Variants in SYT9 observed in about 807,000 individuals in gnomAD.
The protein encoded by SYT9 is synaptotagmin 9.
Under a neutral mutation model 48.4 loss-of-function variants are expected in SYT9, and 22 were observed. The ratio of observed to expected loss-of-function variants is 0.45; its 90% CI spans 0.32 to 0.65. The LOEUF (loss-of-function observed/expected upper bound fraction) is 0.65. Ranked by LOEUF, SYT9 falls within the 30% of genes least tolerant of loss-of-function variation. The pLI is 0.03. For missense variants in SYT9, 577 were observed against 622.0 expected (o/e 0.93, Z 0.77); for synonymous variants, 265 against 245.0 (o/e 1.08, Z -0.76).
intron 3 of SYT9, among the ~76,000 whole-genome samples, chr11:7,411,223 A>G (rs145046304): frequency 1.3e-5 from 2 of 151,860 alleles, no homozygotes; most frequent in African/African-American, 4.8e-5. Context: ...ATCGTTTTGT[A>G]TGTTCTTTAT....
chr11:7,459,344 A>G (rs1848202749), intron 6 of SYT9, among the ~76,000 whole-genome samples: 1 of 152,244 alleles, frequency 6.6e-6, no homozygotes, highest in African/African-American at 2.4e-5. Context: ...AATGGTAAAG[A>G]GAAGAGGTCC....
At chr11:7,319,179 T>G (rs111407194) in intron 3 of SYT9, among the ~76,000 whole-genome samples, 1 of 119,170 alleles carries the variant, frequency 8.4e-6, no homozygotes, top group Admixed American at 1.1e-4. Context: ...TTTTTTTTTC[T>G]TTTCTTCTTT....
At chr11:7,279,682 C>G (rs760379285) in intron 1 of SYT9, among the ~76,000 whole-genome samples, 3 of 152,190 alleles carry the variant, frequency 2.0e-5, no homozygotes, top group Admixed American at 2.0e-4. Flanking sequence ...ACTTACCAAG[C>G]ACATATAAAT....
At chr11:7,442,292 C>T (rs1050898983) in intron 6 of SYT9, among the ~76,000 whole-genome samples, 1 of 152,170 alleles carries the variant, frequency 6.6e-6, no homozygotes, top group African/African-American at 2.4e-5. Context: ...GGCTGGAGAA[C>T]ACGTCTCCAC....
rs1242163535 is a variant in SYT9, at chr11:7,255,849, T to A, written c.145+3518T>A. Among the ~76,000 whole-genome samples, 12 of 152,330 alleles carry A rather than the reference T, an allele frequency of 7.9e-5. No individual in the cohort carries two copies. In the East Asian group the frequency reaches 2.3e-3, roughly 29 times the overall value. ...GCTGTTTTACAGTTGAACAGTGACCTGAGGTATGACTATCCTCTTTAATGT... is the reference window on the plus strand; with the variant it reads ...GCTGTTTTACAGTTGAACAGTGACCAGAGGTATGACTATCCTCTTTAATGT... On this transcript the variant is annotated intron_variant, in intron 1 of 6. Transcript: ENST00000318881.
chr11:7,373,173 T>C (rs1236790684), intron 3 of SYT9, among the ~76,000 whole-genome samples: 1 of 151,708 alleles, frequency 6.6e-6, no homozygotes, highest in Non-Finnish European at 1.5e-5. Flanking sequence ...CACATAAGAA[T>C]TGACCTATAG....
intron 1 of SYT9, chr11:7,239,034 G>A (rs185913417): frequency 3.3e-5 from 14 of 425,014 alleles, no homozygotes; most frequent in African/African-American, 2.6e-4. Context: ...GACAGAACAT[G>A]GATATTGTTT....
intron 6 of SYT9, among the ~76,000 whole-genome samples, chr11:7,448,454 C>T (rs1847979371): frequency 6.6e-6 from 1 of 152,250 alleles, no homozygotes; most frequent in Non-Finnish European, 1.5e-5. Context: ...CGGCTCGCCT[C>T]AAGGCGGAAC....
chr11:7,391,178 T>C (rs558455284), intron 3 of SYT9, among the ~76,000 whole-genome samples: 1 of 152,348 alleles, frequency 6.6e-6, no homozygotes, highest in Admixed American at 6.5e-5. Context: ...ATGATGTATA[T>C]GTACCATATT....
At chr11:7,405,773 T>G (rs1846996348) in intron 3 of SYT9, among the ~76,000 whole-genome samples, 1 of 152,240 alleles carries the variant, frequency 6.6e-6, no homozygotes, top group Non-Finnish European at 1.5e-5. Flanking sequence ...TATTTTACTA[T>G]TTTACTTGAA....
rs1848959607 is a variant in SYT9, at chr11:7,303,166, C to T, written c.273C>T (p.Ser91=). The change falls in exon 2 of 7, where the codon AGC becomes AGT. Residue 91 remains serine (S), a synonymous_variant. Transcript: ENST00000318881. The part of the protein sequence containing the change: ...PWRERGLPSG[S]KDNNQEPLNY... ...GAGAACGAGGCCTGCCCTCTGGTAG[C>T]AAAGACAACAACCAGGAGCCCCTTA... The T allele has an allele frequency of 6.2e-7, 1 of 1,614,082 alleles. No homozygotes were observed. Among genetic ancestry groups the T allele is most frequent in the African/African-American group, 1.3e-5 (1 of 74,912 alleles).
intron 3 of SYT9, among the ~76,000 whole-genome samples, chr11:7,398,793 C>T (rs901151380): frequency 6.6e-6 from 1 of 152,156 alleles, no homozygotes; most frequent in African/African-American, 2.4e-5. Flanking sequence ...CACCTGACCT[C>T]ATGTGACAGC....
intron 6 of SYT9, chr11:7,437,644 A>T (rs1255342583): frequency 6.6e-6 from 1 of 152,102 alleles, no homozygotes; most frequent in African/African-American, 2.4e-5. Context: ...TTTTTCTGAA[A>T]AGCCAGAATT....
intron 3 of SYT9, among the ~76,000 whole-genome samples, chr11:7,318,055 GTCTTT>G (rs1317019442): frequency 6.6e-6 from 1 of 152,078 alleles, no homozygotes. Context: ...GTGATATTGA[GTCTTT>G]CTACACGTGA....
intron 1 of SYT9, among the ~76,000 whole-genome samples, chr11:7,268,166 TTTAAG>T (rs1848226241): frequency 6.6e-6 from 1 of 151,996 alleles, no homozygotes; most frequent in Non-Finnish European, 1.5e-5. Flanking sequence ...ACAAATTTGT[TTTAAG>T]TTGTCATTGC....
At chr11:7,294,028 C>G (rs908027573) in intron 1 of SYT9, among the ~76,000 whole-genome samples, 5 of 152,196 alleles carry the variant, frequency 3.3e-5, no homozygotes, top group African/African-American at 1.2e-4. Flanking sequence ...AAAATTATTT[C>G]TCACAGTTCT....
At chr11:7,416,018 C>A in intron 3 of SYT9, 24 bp from the exon 4 acceptor site, 1 of 1,613,996 alleles carries the variant, frequency 6.2e-7, no homozygotes, top group Non-Finnish European at 8.5e-7. Flanking sequence ...CTTTCTAATA[C>A]TTTAGTTTGT....
chr11:7,371,079 AT>A (rs1850352972), intron 3 of SYT9, among the ~76,000 whole-genome samples: 1 of 152,148 alleles, frequency 6.6e-6, no homozygotes, highest in South Asian at 2.1e-4. Context: ...CACTTTTCTG[AT>A]AGCAGTAGGC....
At chr11:7,432,569 AAAAAAAAAAAAAAATATATATACAT>A (rs1847607576) in intron 6 of SYT9, among the ~76,000 whole-genome samples, 2 of 13,616 alleles carry the variant, frequency 1.5e-4, no homozygotes, top group African/African-American at 6.9e-4. Context: ...AAAAAAAAAA[AAAAAAAAAAAAAAATATATATACAT>A]ATATATATAT....
Sources: allele counts gnomAD v4.1 joint callset (sites outside exome capture counted in the v4.1 genomes callset), GRCh38; gene constraint gnomAD v4.1.1; transcripts MANE v1.5; gene names NCBI Gene and HGNC (gene_info 2026-07-23, HGNC 2026-07-21).